Variants in NEK9 observed in about 807,000 individuals in gnomAD.
NEK9 encodes the protein serine/threonine-protein kinase Nek9.
NEK9 carries 75 observed loss-of-function variants against 123.4 expected under a neutral mutation model. The observed-to-expected ratio is 0.61, with a 90% confidence interval of 0.50 to 0.74. The LOEUF (loss-of-function observed/expected upper bound fraction) is 0.74, where lower values mean the gene tolerates loss of function less well. NEK9 is among the 30% of genes least tolerant of loss of function. NEK9 has a pLI of 0.00. For synonymous variants in NEK9, 438 were observed against 458.7 expected (o/e 0.95, Z 0.58); for missense variants, 952 against 1,214.4 (o/e 0.78, Z 3.21).
intron 14 of NEK9, 26 bp from the exon 15 acceptor site, chr14:75,101,791 G>T: frequency 1.3e-6 from 2 of 1,504,304 alleles, no homozygotes; most frequent in South Asian, 1.1e-5. Context: ...ACACAAAGCA[G>T]ATGCATGAGG....
Position 75,126,858 on chromosome 14 carries a change from A to C in NEK9, c.64T>G (p.Ser22Ala). ...DSINSDFGSE[S>A]GGCGDSSPGP... ...GGACTCGAGTCCCCGCAACCCCCGG[A>C]CTCGCTCCCAAAGTCCGAGTTGATG... The change falls in exon 1 of 22, where the codon TCC becomes GCC. Residue 22 changes from serine to alanine, a missense_variant. This residue lies in a region of NEK9 where 120 missense variants were observed against 97.6 expected (regional missense o/e 1.23). Coordinates refer to ENST00000238616, the MANE Select transcript of NEK9 (RefSeq NM_033116.6). 4.6e-6 allele frequency: 7 copies of C among 1,529,722 alleles called. No individual in the cohort carries two copies. Among genetic ancestry groups the C allele is most frequent in the Non-Finnish European group, 6.1e-6 (7 of 1,138,790 alleles). 94.8% of individuals were successfully genotyped at this position (1,529,722 alleles called of 1,614,324 possible).
chr14:75,103,926 C>T lies in NEK9; in HGVS notation c.1647G>A (p.Gln549=). 1 of 1,614,162 alleles carries T rather than the reference C, an allele frequency of 6.2e-7. No homozygotes were observed. The highest frequency in any genetic ancestry group is 8.5e-7 in the Non-Finnish European group (1 of 1,180,018). Residue 549 remains glutamine (Q), a synonymous_variant, in exon 14 of 22, where the codon CAG becomes CAA. Coordinates refer to ENST00000238616, the MANE Select transcript of NEK9 (RefSeq NM_033116.6). ...GTCCACAGGCCAGCACTTTGCCTGACTGGGTCAACAGAAATGTCCCATCAC... is the reference window on the plus strand; with the variant it reads ...GTCCACAGGCCAGCACTTTGCCTGATTGGGTCAACAGAAATGTCCCATCAC... ...CGCDGTFLLT[Q]SGKVLACGLN...
intron 13 of NEK9, among the ~76,000 whole-genome samples, chr14:75,104,881 C>T (rs1273425638): frequency 6.6e-6 from 1 of 152,198 alleles, no homozygotes; most frequent in Non-Finnish European, 1.5e-5. Flanking sequence ...CTCAGTTTGT[C>T]TTAGTAATAG....
At chr14:75,103,590 C>T (rs11845639) in intron 14 of NEK9, among the ~76,000 whole-genome samples, 65,617 of 151,894 alleles carry the variant, frequency 0.43, 15,899 homozygotes, top group East Asian at 0.84. Flanking sequence ...TCTGTTAATA[C>T]CCCTCCTTCA....
At chr14:75,119,628 G>A (rs1895258213) in intron 4 of NEK9, among the ~76,000 whole-genome samples, 2 of 152,152 alleles carry the variant, frequency 1.3e-5, no homozygotes, top group Admixed American at 6.5e-5. Context: ...TGATATCAAG[G>A]CAACTTTAAC....
chr14:75,097,350 A>G, intron 16 of NEK9, 80 bp from the exon 17 acceptor site: 2 of 1,198,766 alleles, frequency 1.7e-6, no homozygotes, highest in Non-Finnish European at 2.3e-6. Flanking sequence ...TTTATATCCT[A>G]GAGCTAGAAA....
chr14:75,120,437 T>G, intron 4 of NEK9, 73 bp downstream of exon 4: 1 of 973,250 alleles, frequency 1.0e-6, no homozygotes, highest in Non-Finnish European at 1.6e-6. Flanking sequence ...ATAAAAGTGT[T>G]GTTGGGGGGG....
intron 19 of NEK9, among the ~76,000 whole-genome samples, chr14:75,090,672 A>G (rs1894187043): frequency 6.6e-6 from 1 of 152,012 alleles, no homozygotes; most frequent in South Asian, 2.1e-4. Flanking sequence ...CCCAGGTTCA[A>G]GTGATCATCC....
At chr14:75,104,763 G>A (rs1427125328) in intron 13 of NEK9, among the ~76,000 whole-genome samples, 4 of 152,192 alleles carry the variant, frequency 2.6e-5, no homozygotes, top group Admixed American at 6.5e-5. Context: ...GATTACAGGC[G>A]TGAGCCATTG....
In NEK9 at chr14:75,107,479, T is replaced by C. The variant is rs763067163; in HGVS notation, c.1191A>G (p.Gln397=). 5 of 1,595,786 alleles carry C rather than the reference T, an allele frequency of 3.1e-6. No individual in the cohort carries two copies. In the African/African-American group the frequency reaches 5.4e-5, roughly 17 times the overall value. The change falls in exon 11 of 22, where the codon CAA becomes CAG. Residue 397 remains glutamine (Q), a synonymous_variant. Transcript: ENST00000238616. ...EKELYTWVNM[Q]GGTKLHGQLG... Reference sequence around the variant, plus strand: ...GCTGACCATGGAGTTTAGTGCCTCCTTGCATGTTCTGTGAAATAAAGAGGT... The same window carrying C: ...GCTGACCATGGAGTTTAGTGCCTCCCTGCATGTTCTGTGAAATAAAGAGGT...
Position 75,109,820 on chromosome 14 carries a change from G to T in NEK9, c.1047C>A (p.Val349=). 6.2e-7 allele frequency: 1 copy of T among 1,613,988 alleles called. No homozygotes were observed. Among genetic ancestry groups the T allele is most frequent in the Non-Finnish European group, 8.5e-7 (1 of 1,179,988 alleles). Residue 349 remains valine, a synonymous_variant, in exon 10 of 22, where the codon GTC becomes GTA. Coordinates refer to ENST00000238616, the MANE Select transcript of NEK9 (RefSeq NM_033116.6). ...TGGATTTTCCACCACCCCAAACATA[G>T]ACTTCACTGGTTCGTGATGTTACTA... ...IAVVTSRTSE[V]YVWGGGKSTP...
rs372221809 is a variant in NEK9, at chr14:75,126,878, T to C, written c.44A>G (p.Asn15Ser). 2 of 1,524,110 alleles carry C rather than the reference T, an allele frequency of 1.3e-6. No individual in the cohort carries two copies. The highest frequency in any genetic ancestry group is 1.8e-6 in the Non-Finnish European group (2 of 1,135,496). 94.4% of individuals were successfully genotyped at this position (1,524,110 alleles called of 1,614,324 possible). A position where few individuals can be genotyped will look rare whatever the true frequency, so the allele number is the denominator to read the frequency against. ...CCCGGACTCGCTCCCAAAGTCCGAG[T>C]TGATGGAATCGCAGTGTCGCTCGTA... ...GEYERHCDSI[N>S]SDFGSESGGC... The change falls in exon 1 of 22, where the codon AAC becomes AGC. Residue 15 changes from asparagine to serine, a missense_variant. Transcript: ENST00000238616.
chr14:75,125,653 C>T (rs909137950), intron 1 of NEK9, among the ~76,000 whole-genome samples: 3 of 152,154 alleles, frequency 2.0e-5, no homozygotes, highest in Non-Finnish European at 2.9e-5. Flanking sequence ...AAACAGACTA[C>T]TAAGAATAAC....
chr14:75,121,316 T>C, intron 2 of NEK9, 142 bp from the exon 3 acceptor site: 1 of 599,030 alleles, frequency 1.7e-6, no homozygotes, highest in East Asian at 2.8e-5. Flanking sequence ...ACTTTTCACA[T>C]GGGCACAAAA....
intron 19 of NEK9, among the ~76,000 whole-genome samples, chr14:75,090,702 G>C (rs1352549214): frequency 6.6e-6 from 1 of 151,980 alleles, no homozygotes; most frequent in African/African-American, 2.4e-5. Context: ...CTCCTGAGTA[G>C]CTGGAACTAT....
At chr14:75,091,666 GTTGTAT>G in intron 18 of NEK9, 188 bp from the exon 19 acceptor site, 1 of 464,040 alleles carries the variant, frequency 2.2e-6, no homozygotes. Context: ...ATTTTGTATA[GTTGTAT>G]TTGTATATCA....
At chr14:75,110,489 A>T in intron 8 of NEK9, 118 bp from the exon 9 acceptor site, 1 of 718,328 alleles carries the variant, frequency 1.4e-6, no homozygotes, top group Non-Finnish European at 2.3e-6. Flanking sequence ...ATCCTACAAC[A>T]TCACAATACT....
chr14:75,113,052 C>A (rs1438550519), intron 8 of NEK9, among the ~76,000 whole-genome samples: 1 of 152,130 alleles, frequency 6.6e-6, no homozygotes, highest in African/African-American at 2.4e-5. Context: ...TCCAGACACC[C>A]CTCTTCCTTA....
intron 7 of NEK9, 46 bp downstream of exon 7, chr14:75,114,156 TG>T: frequency 7.4e-7 from 1 of 1,345,478 alleles, no homozygotes; most frequent in Non-Finnish European, 1.1e-6. Context: ...ACACTGAGGC[TG>T]GAAGGGGAAA....
Sources: gnomAD v4.1 joint callset for allele counts (sites outside exome capture counted in the v4.1 genomes callset) on GRCh38, gnomAD v4.1.1 for gene constraint, gnomAD v4.1.1 regional missense constraint, MANE v1.5 for transcripts, NCBI Gene and HGNC (gene_info 2026-07-23, HGNC 2026-07-21) for gene names.